Variants in SYNE1 observed in about 807,000 individuals in gnomAD.
SYNE1 encodes nesprin-1.
Under a neutral mutation model 1,111.0 loss-of-function variants are expected in SYNE1, and 616 were observed. The ratio of observed to expected loss-of-function variants is 0.55; its 90% confidence interval spans 0.52 to 0.59. SYNE1 has a LOEUF of 0.59. Ranked by LOEUF, SYNE1 falls within the 20% of genes least tolerant of loss-of-function variation. The pLI is 0.00. For missense variants in SYNE1, 10,006 were observed against 10,417.0 expected (o/e 0.96, Z 1.72); for synonymous variants, 3,855 against 3,825.8 (o/e 1.01, Z -0.28).
chr6:152,398,877 A>G, intron 48 of SYNE1, 146 bp from the exon 49 acceptor site: 1 of 619,404 alleles, frequency 1.6e-6, no homozygotes, highest in Non-Finnish European at 2.8e-6. Context: ...CAAAGAAAAT[A>G]ATAATATATA....
chr6:152,518,375 C>A (rs2099122883), intron 6 of SYNE1, among the ~76,000 whole-genome samples: 1 of 151,736 alleles, frequency 6.6e-6, no homozygotes, highest in Non-Finnish European at 1.5e-5. Context: ...TCTTGGGTAC[C>A]CTCCACACAA....
chr6:152,177,406 T>C (rs1425410390), intron 129 of SYNE1, among the ~76,000 whole-genome samples: 1 of 152,224 alleles, frequency 6.6e-6, no homozygotes, highest in Non-Finnish European at 1.5e-5. Context: ...GGATCAACTT[T>C]TTTATTTTTG....
intron 69 of SYNE1, among the ~76,000 whole-genome samples, chr6:152,352,578 T>C (rs1030480008): frequency 6.6e-6 from 1 of 151,930 alleles, no homozygotes; most frequent in Non-Finnish European, 1.5e-5. Flanking sequence ...AATTTTTGTA[T>C]TTTTTAGTAG....
chr6:152,260,045 C>T (rs2091724860), intron 101 of SYNE1, among the ~76,000 whole-genome samples: 1 of 152,154 alleles, frequency 6.6e-6, no homozygotes, highest in Non-Finnish European at 1.5e-5. Context: ...AGAGCAAAAG[C>T]AGCTCTTGAA....
At chr6:152,181,628 C>T (rs1246120709) in intron 128 of SYNE1, among the ~76,000 whole-genome samples, 1 of 152,196 alleles carries the variant, frequency 6.6e-6, no homozygotes, top group Non-Finnish European at 1.5e-5. Context: ...TATATTGTAG[C>T]ATGTATCAAT....
intron 76 of SYNE1, 173 bp downstream of exon 76, chr6:152,336,667 TG>T: frequency 1.2e-6 from 1 of 824,872 alleles, no homozygotes; most frequent in Non-Finnish European, 2.0e-6. Context: ...TAACAGGACA[TG>T]GACTTGTGCT....
chr6:152,597,368 T>A (rs983587896), intron 3 of SYNE1, among the ~76,000 whole-genome samples: 1 of 152,144 alleles, frequency 6.6e-6, no homozygotes, highest in East Asian at 1.9e-4. Flanking sequence ...GCCTCGACCT[T>A]GTGGGTTCAA....
intron 121 of SYNE1, among the ~76,000 whole-genome samples, chr6:152,217,095 C>CTT (rs35171400): frequency 2.0e-3 from 234 of 116,694 alleles, no homozygotes; most frequent in African/African-American, 7.0e-3. Flanking sequence ...TAAGTAAAAC[C>CTT]TTTTTTTTTT....
chr6:152,526,375 C>G (rs369029566), intron 4 of SYNE1, among the ~76,000 whole-genome samples, 200 bp from the exon 5 acceptor site: 1 of 152,092 alleles, frequency 6.6e-6, no homozygotes, highest in East Asian at 1.9e-4. Context: ...AGATAAAACT[C>G]GATATTCAAA....
intron 58 of SYNE1, among the ~76,000 whole-genome samples, chr6:152,374,122 G>C (rs2097237828): frequency 6.6e-6 from 1 of 152,208 alleles, no homozygotes; most frequent in South Asian, 2.1e-4. Context: ...GTGTTTCATA[G>C]GGTTGTCCTT....
chr6:152,362,354 A>C, intron 63 of SYNE1, 31 bp from the exon 64 acceptor site: 1 of 1,614,072 alleles, frequency 6.2e-7, no homozygotes, highest in South Asian at 1.1e-5. Flanking sequence ...CAATAAATCC[A>C]CATTGAGAAT....
In SYNE1 at chr6:152,395,535, C is replaced by A; in HGVS notation, c.7693G>T (p.Gly2565Ter). The A allele has an allele frequency of 6.2e-7, 1 of 1,613,948 alleles. No individual in the cohort carries two copies. The highest frequency in any genetic ancestry group is 8.5e-7 in the Non-Finnish European group (1 of 1,179,946). ...CCATACCTTGCAGCCAGCAGTTCTCCCAAAAACATTTCAACTTTATGAACT... is the reference window on the plus strand; with the variant it reads ...CCATACCTTGCAGCCAGCAGTTCTCACAAAAACATTTCAACTTTATGAACT... ...NEVHKVEMFL[G>*]ELLAARESLD... The change falls in exon 51 of 146, where the codon GGA becomes TGA. Residue 2565 changes from glycine (G) to a stop codon, truncating the protein, a stop_gained. Coordinates refer to ENST00000367255, the MANE Select transcript of SYNE1 (RefSeq NM_182961.4). LOFTEE classifies it high-confidence loss of function.
At chr6:152,630,512 C>G (rs954815412) in intron 2 of SYNE1, among the ~76,000 whole-genome samples, 1 of 152,150 alleles carries the variant, frequency 6.6e-6, no homozygotes, top group Non-Finnish European at 1.5e-5. Context: ...TGCCCACATA[C>G]AAAAGCTATC....
intron 3 of SYNE1, among the ~76,000 whole-genome samples, chr6:152,576,788 C>T (rs892859760): frequency 9.2e-5 from 14 of 152,156 alleles, no homozygotes; most frequent in Non-Finnish European, 2.1e-4. Context: ...TGAATTTGTG[C>T]TTCCCTGAGT....
intron 127 of SYNE1, among the ~76,000 whole-genome samples, chr6:152,194,238 T>C (rs563145121): frequency 6.8e-5 from 9 of 133,216 alleles, no homozygotes; most frequent in Middle Eastern, 3.6e-3. Context: ...AAAAAGTCTA[T>C]TTTTCCTTCA....
chr6:152,225,159 T>C (rs1413648505), intron 116 of SYNE1, among the ~76,000 whole-genome samples: 1 of 151,526 alleles, frequency 6.6e-6, no homozygotes, highest in Non-Finnish European at 1.5e-5. Context: ...GTAATGAAAA[T>C]TACCCAAGAT....
rs1289737647 is a variant in SYNE1, at chr6:152,398,794, T to G, written c.7238-63A>C. On this transcript the variant is annotated intron_variant, in intron 48 of 145. Transcript: ENST00000367255. ...TCAGAAGCAAATCCAAAACATTGAA[T>G]GGGCTCCCAGGATTACCACATGAAT... The G allele has an allele frequency of 8.6e-6, 11 of 1,280,748 alleles. No individual in the cohort carries two copies. In the Admixed American group the frequency reaches 1.4e-4, roughly 16 times the overall value. 79.3% of individuals were successfully genotyped at this position (1,280,748 alleles called of 1,614,324 possible).
intron 104 of SYNE1, among the ~76,000 whole-genome samples, chr6:152,250,747 A>G (rs994133647): frequency 3.9e-5 from 6 of 152,240 alleles, no homozygotes; most frequent in African/African-American, 1.4e-4. Flanking sequence ...CACGTGGGCC[A>G]TTAAAACCAT....
At chr6:152,429,030 C>T (rs1055620828) in intron 36 of SYNE1, among the ~76,000 whole-genome samples, 1 of 150,832 alleles carries the variant, frequency 6.6e-6, no homozygotes, top group African/African-American at 2.4e-5. Flanking sequence ...TATAATCACT[C>T]CAAAAAATAC....
Sources: allele counts gnomAD v4.1 joint callset (sites outside exome capture counted in the v4.1 genomes callset), GRCh38; gene constraint gnomAD v4.1.1; transcripts MANE v1.5; gene names NCBI Gene and HGNC (gene_info 2026-07-23, HGNC 2026-07-21).